The following RAP1GAP2 variants were observed in gnomAD, a reference collection of about 807,000 sequenced individuals.
RAP1GAP2 encodes the protein rap1 GTPase-activating protein 2.
RAP1GAP2 carries 27 observed loss-of-function variants against 95.0 expected under a neutral mutation model. The observed-to-expected ratio is 0.28, with a 90% confidence interval of 0.21 to 0.39. The LOEUF (loss-of-function observed/expected upper bound fraction) is 0.39. RAP1GAP2 is among the 10% of genes least tolerant of loss of function. The pLI, the probability that RAP1GAP2 is intolerant of heterozygous loss-of-function variation, is 1.00. For synonymous variants in RAP1GAP2, 373 were observed against 380.9 expected (o/e 0.98, Z 0.24); for missense variants, 771 against 970.0 (o/e 0.79, Z 2.72).
chr17:2,915,356 G>A (rs6502621), intron 3 of RAP1GAP2, among the ~76,000 whole-genome samples: 21,310 of 151,924 alleles, frequency 0.14, 2,728 homozygotes, highest in East Asian at 0.32. Flanking sequence ...TCAGCCCCCC[G>A]AGTAGCTGGG....
intron 16 of RAP1GAP2, 41 bp downstream of exon 16, chr17:3,006,082 G>A (rs769547240): frequency 6.5e-7 from 1 of 1,543,562 alleles, no homozygotes; most frequent in South Asian, 1.1e-5. Context: ...CTGACTGCTG[G>A]GCCACCTGTT....
intron 4 of RAP1GAP2, among the ~76,000 whole-genome samples, chr17:2,961,689 A>G (rs1426210006): frequency 6.6e-6 from 1 of 152,164 alleles, no homozygotes; most frequent in African/African-American, 2.4e-5. Flanking sequence ...TCCTCATTTT[A>G]CAGATGACAC....
At chr17:2,874,254 C>T (rs899168805) in intron 2 of RAP1GAP2, among the ~76,000 whole-genome samples, 1 of 152,192 alleles carries the variant, frequency 6.6e-6, no homozygotes, top group Non-Finnish European at 1.5e-5. Context: ...TCCCCTTTCT[C>T]CCCTCTGCCA....
At chr17:3,015,203 A>C (rs9898514) in intron 17 of RAP1GAP2, among the ~76,000 whole-genome samples, 103,270 of 151,340 alleles carry the variant, frequency 0.68, 35,339 homozygotes, top group Admixed American at 0.7. Flanking sequence ...GTTCTATGGT[A>C]TAGAGAGGGA....
chr17:2,866,401 A>G lies in RAP1GAP2; in HGVS notation c.81-38883A>G, dbSNP rs1351497970. Among the ~76,000 whole-genome samples the G allele has an allele frequency of 1.3e-5, 2 of 152,190 alleles. No homozygotes were observed. The highest frequency in any genetic ancestry group is 2.4e-5 in the African/African-American group (1 of 41,442). On this transcript the variant is annotated intron_variant, in intron 2 of 24. Coordinates refer to ENST00000254695, the MANE Select transcript of RAP1GAP2 (RefSeq NM_015085.5). The surrounding 1 kb of genome is among the most constrained non-coding windows in gnomAD (Gnocchi z 4.0). The stretch of plus-strand genomic sequence containing the variant: ...GGCTTCCCTGCTCCCCGCCTCCCCT[A>G]GACTCAGGGCAGTTGGTACCCCAGT...
chr17:2,947,100 C>T (rs2043725547), intron 3 of RAP1GAP2, among the ~76,000 whole-genome samples: 1 of 152,310 alleles, frequency 6.6e-6, no homozygotes, highest in Middle Eastern at 3.4e-3. Context: ...GTGGCATTAG[C>T]ACTGCCACAC....
intron 3 of RAP1GAP2, among the ~76,000 whole-genome samples, chr17:2,907,839 G>A (rs2151736813): frequency 6.6e-6 from 1 of 152,162 alleles, no homozygotes; most frequent in African/African-American, 2.4e-5. Context: ...ACAGAGCCTT[G>A]CTCTGTCGCC....
chr17:3,005,946 C>G lies in RAP1GAP2; in HGVS notation c.1273-9C>G. 1.9e-6 allele frequency: 3 copies of G among 1,613,314 alleles called. No homozygotes were observed. The highest frequency in any genetic ancestry group is 2.5e-6 in the Non-Finnish European group (3 of 1,179,360). On this transcript the variant is annotated splice_polypyrimidine_tract_variant and intron_variant, in intron 15 of 24. Transcript: ENST00000254695. The surrounding 1 kb of genome is among the most constrained non-coding windows in gnomAD (Gnocchi z 5.2). ...GTGACAGACCTGAGGTCCGTCTTGT[C>G]TCTTCCAGGGCCCGGAATTCAGGGA...
intron 12 of RAP1GAP2, among the ~76,000 whole-genome samples, chr17:2,992,084 A>G (rs1049539778): frequency 7.3e-5 from 11 of 151,142 alleles, no homozygotes; most frequent in Admixed American, 7.2e-4. Context: ...CCTATTTTAG[A>G]TAATACACAA....
At chr17:2,888,583 C>T (rs1249587721) in intron 2 of RAP1GAP2, among the ~76,000 whole-genome samples, 8 of 152,004 alleles carry the variant, frequency 5.3e-5, no homozygotes, top group Admixed American at 4.6e-4. Flanking sequence ...CATGTCGCCA[C>T]GAATGACGGG....
chr17:2,964,614 G>A lies in RAP1GAP2; in HGVS notation c.492+546G>A, dbSNP rs139514831. The A allele has an allele frequency of 2.6e-3, 409 of 155,450 alleles. 1 individual carries two copies. The highest frequency in any genetic ancestry group is 8.7e-3 in the African/African-American group (363 of 41,550). 9.6% of individuals were successfully genotyped at this position (155,450 alleles called of 1,614,324 possible). On this transcript the variant is annotated intron_variant, in intron 7 of 24. Coordinates refer to ENST00000254695, the MANE Select transcript of RAP1GAP2 (RefSeq NM_015085.5). Reference sequence around the variant, plus strand: ...GTTTCGGGAGGCGATGGAATGGGTAGTGTTTGGGGTGAAGGACGGTGGCTG... The same window carrying A: ...GTTTCGGGAGGCGATGGAATGGGTAATGTTTGGGGTGAAGGACGGTGGCTG...
intron 2 of RAP1GAP2, among the ~76,000 whole-genome samples, chr17:2,883,282 C>G (rs916877676): frequency 3.3e-5 from 5 of 152,196 alleles, no homozygotes; most frequent in African/African-American, 1.2e-4. Context: ...GGTGTGAAAG[C>G]ACTTTCTGTC....
intron 8 of RAP1GAP2, among the ~76,000 whole-genome samples, chr17:2,974,230 T>A (rs1597772424): frequency 6.6e-6 from 1 of 150,614 alleles, no homozygotes; most frequent in East Asian, 1.9e-4. Flanking sequence ...GCGCCTGTAG[T>A]CCCAGCTACT....
At chr17:2,940,772 C>G (rs759589315) in intron 3 of RAP1GAP2, among the ~76,000 whole-genome samples, 7 of 152,192 alleles carry the variant, frequency 4.6e-5, no homozygotes, top group Admixed American at 2.6e-4. Flanking sequence ...GACTGTGAGG[C>G]TCTTCGTCTT....
At chr17:2,985,094 T>C (rs2151548169) in intron 11 of RAP1GAP2, 28 bp downstream of exon 11, 3 of 1,613,058 alleles carry the variant, frequency 1.9e-6, no homozygotes, top group Admixed American at 3.3e-5. Context: ...TACCGGTGAC[T>C]GTATCCCGTG....
rs1339359815 is a variant in RAP1GAP2, at chr17:2,797,554, G to C, written c.44+983G>C. The C allele has an allele frequency of 3.4e-6, 1 of 293,562 alleles. No homozygotes were observed. The highest frequency in any genetic ancestry group is 5.1e-6 in the Non-Finnish European group (1 of 197,876). The allele number at this position is 293,562 out of a possible 1,614,324, so 18.2% of individuals were successfully genotyped here. A position where few individuals can be genotyped will look rare whatever the true frequency, so the allele number is the denominator to read the frequency against. On this transcript the variant is annotated intron_variant, in intron 1 of 24. Coordinates refer to ENST00000254695, the MANE Select transcript of RAP1GAP2 (RefSeq NM_015085.5). The surrounding 1 kb of genome is among the most constrained non-coding windows in gnomAD (Gnocchi z 5.6). ...CTAATGGGGGTGGCACGAAGGGCGA[G>C]GGGGAGAGGGGCTGTGTTCCTCGGT...
intron 2 of RAP1GAP2, among the ~76,000 whole-genome samples, chr17:2,809,500 C>A (rs2069665883): frequency 6.6e-6 from 1 of 152,138 alleles, no homozygotes; most frequent in Non-Finnish European, 1.5e-5. Context: ...CCAACCATCC[C>A]CGGAGGCCCC....
At chr17:2,862,107 C>T (rs1198915660) in intron 2 of RAP1GAP2, among the ~76,000 whole-genome samples, 2 of 152,158 alleles carry the variant, frequency 1.3e-5, no homozygotes, top group Non-Finnish European at 2.9e-5. Context: ...TATGCCTTGC[C>T]TCTGCATAGC....
intron 11 of RAP1GAP2, among the ~76,000 whole-genome samples, chr17:2,989,974 A>G (rs2045696186): frequency 6.6e-6 from 1 of 152,160 alleles, no homozygotes; most frequent in Admixed American, 6.5e-5. Context: ...TAGACCTTTT[A>G]TAAATGGAAT....
Sources: allele counts gnomAD v4.1 joint callset (sites outside exome capture counted in the v4.1 genomes callset), GRCh38; gene constraint gnomAD v4.1.1; non-coding constraint Gnocchi (gnomAD v3.1); transcripts MANE v1.5; gene names NCBI Gene and HGNC (gene_info 2026-07-23, HGNC 2026-07-21).